MAK16: variants seen among roughly 807,000 people sequenced by gnomAD.
MAK16 encodes protein MAK16 homolog.
In MAK16, 12 loss-of-function variants were observed where a neutral mutation model predicts 49.9. That is an observed-to-expected ratio of 0.24 (90% CI 0.15 to 0.39). The LOEUF (loss-of-function observed/expected upper bound fraction) is 0.39, where lower values mean the gene tolerates loss of function less well. MAK16 is among the 10% of genes least tolerant of loss of function. The pLI is 1.00. For synonymous variants in MAK16, 115 were observed against 126.4 expected (o/e 0.91, Z 0.60); for missense variants, 292 against 363.7 (o/e 0.80, Z 1.60).
Position 33,500,411 on chromosome 8 carries a change from G to T in MAK16, c.*1782G>T. The T allele has an allele frequency of 3.7e-6, 6 of 1,614,184 alleles. No individual in the cohort carries two copies. Among genetic ancestry groups the T allele is most frequent in the Non-Finnish European group, 5.1e-6 (6 of 1,180,026 alleles). The stretch of plus-strand genomic sequence containing the variant: ...AGCAGGGCGCTCTTAACAGACTCAG[G>T]TGTAAGGTTTGGATCCCTTGCTACA... On this transcript the variant is annotated 3_prime_UTR_variant, in exon 10 of 10. Coordinates refer to ENST00000360128, the MANE Select transcript of MAK16 (RefSeq NM_032509.4).
chr8:33,495,554 A>G lies in MAK16; in HGVS notation c.460A>G (p.Ile154Val). Residue 154 changes from isoleucine to valine, a missense_variant, in exon 7 of 10, where the codon ATA becomes GTA. Ile to Val is a conservative substitution (Grantham distance 29). Coordinates refer to ENST00000360128, the MANE Select transcript of MAK16 (RefSeq NM_032509.4). ...REKRREEKAL[I>V]AAQLDNAIEK... ...TTCCCCCTTATAGGAAAAGGCATTA[A>G]TAGCTGCTCAGCTGGACAATGCCAT... 2 of 1,613,706 alleles carry G rather than the reference A, an allele frequency of 1.2e-6. No individual in the cohort carries two copies. The highest frequency in any genetic ancestry group is 2.7e-5 in the African/African-American group (2 of 75,038).
chr8:33,496,741 A>G lies in MAK16; in HGVS notation c.639A>G (p.Glu213=). The change falls in exon 8 of 10, where the codon GAA becomes GAG. Residue 213 remains glutamate, a splice_region_variant and synonymous_variant. Coordinates refer to ENST00000360128, the MANE Select transcript of MAK16 (RefSeq NM_032509.4). ...EEKDDDDDDE[E]DVGKREFVED... ...AAGATGATGATGATGATGATGAGGA[A>G]GTAAGTCTTGTTTTTGTTTTGCCAA... The G allele has an allele frequency of 6.3e-7, 1 of 1,587,730 alleles. No homozygotes were observed. Among genetic ancestry groups the G allele is most frequent in the East Asian group, 2.2e-5 (1 of 44,730 alleles).
In MAK16 at chr8:33,500,644, A is replaced by T. The variant is rs10644; in HGVS notation, c.*2015A>T. On this transcript the variant is annotated 3_prime_UTR_variant, in exon 10 of 10. Coordinates refer to ENST00000360128, the MANE Select transcript of MAK16 (RefSeq NM_032509.4). ...AAAAGACCTAAAAACAGAACCAAAG[A>T]CAGCCTCTAGATTTCTTACCCTCAA... 529,588 of 848,796 alleles carry T rather than the reference A, an allele frequency of 0.62. 167,114 individuals carry two copies. The highest frequency in any genetic ancestry group is 0.64 in the Non-Finnish European group (364,271 of 565,456). 52.6% of individuals were successfully genotyped at this position (848,796 alleles called of 1,614,324 possible).
chr8:33,500,498 C>T lies in MAK16; in HGVS notation c.*1869C>T, dbSNP rs776929766. 1.2e-5 allele frequency: 20 copies of T among 1,613,720 alleles called. No homozygotes were observed. The highest frequency in any genetic ancestry group is 1.7e-5 in the Non-Finnish European group (20 of 1,179,950). ...ACAAGTCTGCAGGAAACTCTGGAATCAGGAAGAAAAGCTATGTTCATACTC... is the reference window on the plus strand; with the variant it reads ...ACAAGTCTGCAGGAAACTCTGGAATTAGGAAGAAAAGCTATGTTCATACTC... On this transcript the variant is annotated 3_prime_UTR_variant, in exon 10 of 10. Coordinates refer to ENST00000360128, the MANE Select transcript of MAK16 (RefSeq NM_032509.4).
intron 9 of MAK16, 67 bp from the exon 10 acceptor site, chr8:33,498,365 C>A: frequency 2.2e-6 from 3 of 1,391,440 alleles, no homozygotes; most frequent in Non-Finnish European, 3.0e-6. Context: ...ATTGAGGGGA[C>A]AAGGAAGGGA....
chr8:33,494,241 T>C (rs1351085906), intron 6 of MAK16, among the ~76,000 whole-genome samples: 1 of 152,098 alleles, frequency 6.6e-6, no homozygotes, highest in African/African-American at 2.4e-5. Context: ...GCCCGGCTAA[T>C]TTTTTGTGTT....
In MAK16 at chr8:33,495,529, T is replaced by C. The variant is rs1808842998; in HGVS notation, c.448-13T>C. 2 of 1,610,564 alleles carry C rather than the reference T, an allele frequency of 1.2e-6. No homozygotes were observed. Among genetic ancestry groups the C allele is most frequent in the Admixed American group, 1.7e-5 (1 of 59,392 alleles). On this transcript the variant is annotated splice_polypyrimidine_tract_variant and intron_variant, in intron 6 of 9. Coordinates refer to ENST00000360128, the MANE Select transcript of MAK16 (RefSeq NM_032509.4). ...CTGATGAATTAAACAGATTTGCTCT[T>C]TCCCCCTTATAGGAAAAGGCATTAA...
chr8:33,499,607 T>C lies in MAK16; in HGVS notation c.*978T>C. The stretch of plus-strand genomic sequence containing the variant: ...CCAAGATTAAAGAGCTAAGATGAAA[T>C]AGTTTGAATAAACTGGTAAAATAAC... On this transcript the variant is annotated 3_prime_UTR_variant, in exon 10 of 10. Transcript: ENST00000360128. The C allele has an allele frequency of 4.4e-6, 1 of 228,222 alleles. No individual in the cohort carries two copies. Among genetic ancestry groups the C allele is most frequent in the South Asian group, 6.7e-5 (1 of 15,018 alleles). 14.1% of individuals were successfully genotyped at this position (228,222 alleles called of 1,614,324 possible). A position where few individuals can be genotyped will look rare whatever the true frequency, so the allele number is the denominator to read the frequency against.
chr8:33,485,523 C>T, intron 1 of MAK16: 1 of 426,702 alleles, frequency 2.3e-6, no homozygotes, highest in Non-Finnish European at 4.2e-6. Context: ...TGTCAGCTGT[C>T]AGCTCCGGAC....
Position 33,499,232 on chromosome 8 carries a change from C to T in MAK16, c.*603C>T, listed in dbSNP as rs1808971085. On this transcript the variant is annotated 3_prime_UTR_variant, in exon 10 of 10. Transcript: ENST00000360128. ...TGCTGCACTTTTCTGATATAGTTCA[C>T]CACTTTTCTGTCTTCACAGCTTTGG... 2.5e-6 allele frequency: 4 copies of T among 1,614,054 alleles called. No individual in the cohort carries two copies. The highest frequency in any genetic ancestry group is 2.5e-6 in the Non-Finnish European group (3 of 1,179,996).
At position 33,500,851 on chromosome 8, in the gene MAK16, T is replaced by C. The variant is rs1390553774; in HGVS notation, c.*2222T>C. 1 of 192,184 alleles carries C rather than the reference T, an allele frequency of 5.2e-6. No homozygotes were observed. The highest frequency in any genetic ancestry group is 1.4e-4 in the East Asian group (1 of 7,052). 11.9% of individuals were successfully genotyped at this position (192,184 alleles called of 1,614,324 possible). A position where few individuals can be genotyped will look rare whatever the true frequency, so the allele number is the denominator to read the frequency against. On this transcript the variant is annotated 3_prime_UTR_variant, in exon 10 of 10. Coordinates refer to ENST00000360128, the MANE Select transcript of MAK16 (RefSeq NM_032509.4). ...TTCAACTCTATTAACTGAACTATGC[T>C]TGGAGAGAGCCCTGAATCCTTTAAC... is the stretch of plus-strand genomic sequence containing the variant.
rs1808954998 is a variant in MAK16 at position 33,498,968 on chromosome 8, A to C, written c.*339A>C. On this transcript the variant is annotated 3_prime_UTR_variant, in exon 10 of 10. Coordinates refer to ENST00000360128, the MANE Select transcript of MAK16 (RefSeq NM_032509.4). ...ATTACTTGGTGTCCTTTTTTCTCCCAAACTTTATTTAGAAATGGAAGGAGT... is the reference window on the plus strand; with the variant it reads ...ATTACTTGGTGTCCTTTTTTCTCCCCAACTTTATTTAGAAATGGAAGGAGT... 3.3e-6 allele frequency: 2 copies of C among 597,564 alleles called. No individual in the cohort carries two copies. Among genetic ancestry groups the C allele is most frequent in the African/African-American group, 1.9e-5 (1 of 53,656 alleles). 37.0% of individuals were successfully genotyped at this position (597,564 alleles called of 1,614,324 possible).
intron 6 of MAK16, among the ~76,000 whole-genome samples, chr8:33,491,629 T>A (rs1396187849): frequency 7.6e-6 from 1 of 131,444 alleles, no homozygotes; most frequent in Non-Finnish European, 1.6e-5. Context: ...GCCCCCTGCT[T>A]TTTTTTTTTT....
At chr8:33,490,088 G>C (rs1227482249) in intron 5 of MAK16, among the ~76,000 whole-genome samples, 197 bp from the exon 6 acceptor site, 1 of 152,156 alleles carries the variant, frequency 6.6e-6, no homozygotes, top group African/African-American at 2.4e-5. Flanking sequence ...ATTGAGCTGA[G>C]CCCTACAGCA....
chr8:33,490,241 C>T lies in MAK16; in HGVS notation c.393-44C>T, dbSNP rs201282909. The T allele has an allele frequency of 2.5e-5, 38 of 1,493,682 alleles. No individual in the cohort carries two copies. The East Asian group carries it at 8.2e-4, about 32-fold the overall frequency. 92.5% of individuals were successfully genotyped at this position (1,493,682 alleles called of 1,614,324 possible). Reference sequence around the variant, plus strand: ...TTCTTCTCATCCTTAAAAAGGAACACAGCACATGACAGTGGATTTTCTGAT... The same window carrying T: ...TTCTTCTCATCCTTAAAAAGGAACATAGCACATGACAGTGGATTTTCTGAT... On this transcript the variant is annotated intron_variant, in intron 5 of 9. Coordinates refer to ENST00000360128, the MANE Select transcript of MAK16 (RefSeq NM_032509.4).
chr8:33,497,149 T>G, intron 8 of MAK16, 83 bp from the exon 9 acceptor site: 1 of 998,320 alleles, frequency 1.0e-6, no homozygotes, highest in Non-Finnish European at 1.5e-6. Context: ...GTGGTTCTCA[T>G]TATGTTATTT....
intron 6 of MAK16, among the ~76,000 whole-genome samples, chr8:33,494,688 T>C (rs536793132): frequency 2.6e-5 from 4 of 152,322 alleles, no homozygotes; most frequent in East Asian, 3.9e-4. Context: ...AAAAGAGATA[T>C]GTGGAAGTTT....
chr8:33,486,707 C>T (rs1161516014), intron 1 of MAK16, among the ~76,000 whole-genome samples: 1 of 152,122 alleles, frequency 6.6e-6, no homozygotes, highest in Non-Finnish European at 1.5e-5. Flanking sequence ...AGGAAGAAAT[C>T]AAAGGATTTG....
chr8:33,498,694 T>A lies in MAK16; in HGVS notation c.*65T>A. 7.6e-7 allele frequency: 1 copy of A among 1,318,782 alleles called. No homozygotes were observed. The highest frequency in any genetic ancestry group is 1.1e-6 in the Non-Finnish European group (1 of 946,740). The allele number at this position is 1,318,782 out of a possible 1,614,324, so 81.7% of individuals were successfully genotyped here. A position where few individuals can be genotyped will look rare whatever the true frequency, so the allele number is the denominator to read the frequency against. Reference sequence around the variant, plus strand: ...AACTGTTTTTTTTTTTTTTTTATCTTAAACACATACACACCTCCAGTTTTT... The same window carrying A: ...AACTGTTTTTTTTTTTTTTTTATCTAAAACACATACACACCTCCAGTTTTT... On this transcript the variant is annotated 3_prime_UTR_variant, in exon 10 of 10. Coordinates refer to ENST00000360128, the MANE Select transcript of MAK16 (RefSeq NM_032509.4).
Sources: gnomAD v4.1 joint callset for allele counts (sites outside exome capture counted in the v4.1 genomes callset) on GRCh38, gnomAD v4.1.1 for gene constraint, MANE v1.5 for transcripts, NCBI Gene and HGNC (gene_info 2026-07-23, HGNC 2026-07-21) for gene names.